PLEKHA5: variants seen among roughly 807,000 people sequenced by gnomAD.
The protein encoded by PLEKHA5 is pleckstrin homology domain containing A5.
In PLEKHA5, 55 loss-of-function variants were observed where a neutral mutation model predicts 181.9. The ratio of observed to expected loss-of-function variants is 0.30; its 90% CI spans 0.24 to 0.38. PLEKHA5 has a LOEUF of 0.38. Ranked by LOEUF, PLEKHA5 falls within the 10% of genes least tolerant of loss-of-function variation. The pLI is 1.00. For synonymous variants in PLEKHA5, 535 were observed against 529.4 expected, an observed-to-expected ratio of 1.01 and a Z score of -0.15; for missense variants, 1,432 against 1,549.5, an observed-to-expected ratio of 0.92 and a Z score of 1.27.
intron 3 of PLEKHA5, among the ~76,000 whole-genome samples, chr12:19,138,572 C>CA (rs61416754): frequency 0.014 from 1,202 of 85,654 alleles, 7 homozygotes; most frequent in African/African-American, 0.031. Flanking sequence ...GACTCTGTCT[C>CA]AAAAAAAAAA....
chr12:19,193,614 C>A (rs1179945856), intron 3 of PLEKHA5, among the ~76,000 whole-genome samples: 2 of 152,072 alleles, frequency 1.3e-5, no homozygotes, highest in African/African-American at 2.4e-5. Context: ...GCACGTTGTA[C>A]CTACCAGAGA....
At chr12:19,252,552 T>G (rs1364762299) in intron 3 of PLEKHA5, among the ~76,000 whole-genome samples, 1 of 152,150 alleles carries the variant, frequency 6.6e-6, no homozygotes. Context: ...AGACCTAATC[T>G]TATCATTCAA....
intron 21 of PLEKHA5, 39 bp from the exon 22 acceptor site, chr12:19,343,282 ATT>A: frequency 8.4e-7 from 1 of 1,188,048 alleles, no homozygotes; most frequent in Non-Finnish European, 1.2e-6. Context: ...TCAGTGAATG[ATT>A]TTTTTTCTTA....
chr12:19,188,301 C>T (rs778706175), intron 3 of PLEKHA5, among the ~76,000 whole-genome samples: 1 of 152,160 alleles, frequency 6.6e-6, no homozygotes, highest in African/African-American at 2.4e-5. Context: ...CTCTCTGCTC[C>T]TACCTTCCCC....
chr12:19,160,755 T>G (rs901306135), intron 3 of PLEKHA5, among the ~76,000 whole-genome samples: 14 of 152,098 alleles, frequency 9.2e-5, no homozygotes, highest in African/African-American at 3.4e-4. Flanking sequence ...CTGATGAAAC[T>G]TTTTTATATA....
Position 19,260,935 on chromosome 12 carries a change from C to A in PLEKHA5, c.538-14C>A. 6.8e-7 allele frequency: 1 copy of A among 1,480,364 alleles called. No individual in the cohort carries two copies. 91.7% of individuals were successfully genotyped at this position (1,480,364 alleles called of 1,614,324 possible). On this transcript the variant is annotated splice_polypyrimidine_tract_variant and intron_variant, in intron 6 of 31. Transcript: ENST00000429027. ...GTTTGAGAAATAATCCTTAAATATG[C>A]TGATTTAATCCAGGACAGTACTGGC... is the stretch of plus-strand genomic sequence containing the variant.
At chr12:19,166,043 C>T (rs1263924979) in intron 3 of PLEKHA5, among the ~76,000 whole-genome samples, 1 of 152,150 alleles carries the variant, frequency 6.6e-6, no homozygotes, top group East Asian at 1.9e-4. Context: ...AAAAAGAAGG[C>T]AGTAACTGCC....
intron 3 of PLEKHA5, among the ~76,000 whole-genome samples, chr12:19,161,160 A>G (rs2151478072): frequency 6.6e-6 from 1 of 152,280 alleles, no homozygotes; most frequent in Non-Finnish European, 1.5e-5. Flanking sequence ...TAAAGGCATT[A>G]GAACAATTCT....
chr12:19,207,016 A>G (rs1163165110), intron 3 of PLEKHA5, among the ~76,000 whole-genome samples: 1 of 152,194 alleles, frequency 6.6e-6, no homozygotes, highest in African/African-American at 2.4e-5. Flanking sequence ...AAGAAAACAA[A>G]CAAGTATTGC....
intron 3 of PLEKHA5, among the ~76,000 whole-genome samples, chr12:19,246,748 C>T (rs1235890681): frequency 2.0e-5 from 3 of 151,778 alleles, no homozygotes; most frequent in African/African-American, 7.3e-5. Flanking sequence ...TTTTTGCATT[C>T]AATGAAGTTT....
intron 12 of PLEKHA5, 26 bp from the exon 13 acceptor site, chr12:19,287,447 A>T (rs1054811286): frequency 2.0e-6 from 3 of 1,478,816 alleles, no homozygotes; most frequent in Non-Finnish European, 2.8e-6. Flanking sequence ...TTACCACAGA[A>T]TTACATTGTG....
At chr12:19,323,045 T>C (rs1258107089) in intron 20 of PLEKHA5, among the ~76,000 whole-genome samples, 1 of 112,116 alleles carries the variant, frequency 8.9e-6, no homozygotes, top group Non-Finnish European at 1.8e-5. Context: ...TTTTTTTTCA[T>C]AGAAATGGGG....
At chr12:19,317,650 A>G (rs991292227) in intron 16 of PLEKHA5, among the ~76,000 whole-genome samples, 1 of 151,986 alleles carries the variant, frequency 6.6e-6, no homozygotes, top group Non-Finnish European at 1.5e-5. Context: ...TACCTAAGGG[A>G]TATTGAAGTT....
chr12:19,233,949 C>T (rs1421836270), intron 3 of PLEKHA5, among the ~76,000 whole-genome samples: 1 of 152,228 alleles, frequency 6.6e-6, no homozygotes, highest in Non-Finnish European at 1.5e-5. Flanking sequence ...TCTACCTCAG[C>T]TTCTTTTCCT....
intron 16 of PLEKHA5, among the ~76,000 whole-genome samples, chr12:19,319,374 T>G (rs181806586): frequency 1.3e-5 from 2 of 152,316 alleles, no homozygotes; most frequent in African/African-American, 2.4e-5. Flanking sequence ...GCTTATATTT[T>G]TAACCTTCTC....
chr12:19,227,286 CTTTTTTT>C (rs79530115), intron 3 of PLEKHA5, among the ~76,000 whole-genome samples: 6 of 131,406 alleles, frequency 4.6e-5, no homozygotes, highest in South Asian at 2.4e-4. Context: ...CTAGTGATTT[CTTTTTTT>C]TTTTTTTTTT....
At chr12:19,314,746 T>C (rs1565606109) in intron 15 of PLEKHA5, 68 bp from the exon 16 acceptor site, 2 of 797,486 alleles carry the variant, frequency 2.5e-6, no homozygotes, top group Non-Finnish European at 2.2e-6. Flanking sequence ...ATATTTACAG[T>C]GTCGTCTTTC....
At chr12:19,197,894 C>T (rs977996089) in intron 3 of PLEKHA5, among the ~76,000 whole-genome samples, 32 of 152,050 alleles carry the variant, frequency 2.1e-4, no homozygotes, top group African/African-American at 7.5e-4. Flanking sequence ...TGCAGCCATT[C>T]TCAATTTTTC....
At chr12:19,190,200 A>C (rs1591995672) in intron 3 of PLEKHA5, among the ~76,000 whole-genome samples, 1 of 152,202 alleles carries the variant, frequency 6.6e-6, no homozygotes, top group Non-Finnish European at 1.5e-5. Context: ...ATATTTTGTT[A>C]TATTTACTGG....
Sources: gnomAD v4.1 joint callset for allele counts (sites outside exome capture counted in the v4.1 genomes callset) on GRCh38, gnomAD v4.1.1 for gene constraint, MANE v1.5 for transcripts, NCBI Gene and HGNC (gene_info 2026-07-23, HGNC 2026-07-21) for gene names.